The following RALYL variants were observed in gnomAD, a reference collection of about 807,000 sequenced individuals.
RALYL encodes the protein RNA-binding Raly-like protein.
In RALYL, 29 loss-of-function variants were observed where a neutral mutation model predicts 35.1. That is an observed-to-expected ratio of 0.83 (90% CI 0.61 to 1.13). RALYL has a LOEUF of 1.13. RALYL is among the 50% of genes most tolerant of loss of function. The probability of loss-of-function intolerance (pLI) is 0.00; values close to 1 mark genes in which losing one functional copy is unlikely to be tolerated. For synonymous variants in RALYL, 120 were observed against 127.6 expected (o/e 0.94, Z 0.40); for missense variants, 359 against 360.4 (o/e 1.00, Z 0.03).
rs549655270 is a variant in RALYL at position 84,277,827 on chromosome 8, C to A, written c.-24+93403C>A. On this transcript the variant is annotated intron_variant, in intron 1 of 8. Transcript: ENST00000521268. ...GGCATGCTGATGCAAGAGGTGCATT[C>A]CCACAGCATTGGGCAGCTCCACCCC... is the stretch of plus-strand genomic sequence containing the variant. Among the ~76,000 whole-genome samples, 296 of 152,342 alleles carry A rather than the reference C, an allele frequency of 1.9e-3. 1 individual carries two copies. Among genetic ancestry groups the A allele is most frequent in the South Asian group, 6.0e-3 (29 of 4,830 alleles).
chr8:84,878,548 C>CAA (rs112164375), intron 7 of RALYL, among the ~76,000 whole-genome samples: 41 of 122,256 alleles, frequency 3.4e-4, no homozygotes, highest in African/African-American at 1.1e-3. Context: ...AAGCAAATGC[C>CAA]AAAAAAAAAA....
At chr8:84,222,906 A>G (rs1387945065) in intron 1 of RALYL, among the ~76,000 whole-genome samples, 1 of 152,200 alleles carries the variant, frequency 6.6e-6, no homozygotes, top group African/African-American at 2.4e-5. Flanking sequence ...GTAGCCTTGT[A>G]GGAATCCAAG....
At chr8:84,217,150 T>C (rs1009297704) in intron 1 of RALYL, among the ~76,000 whole-genome samples, 1 of 152,140 alleles carries the variant, frequency 6.6e-6, no homozygotes, top group Admixed American at 6.6e-5. Flanking sequence ...TTACCCTCAG[T>C]AGGTAAGCTC....
In RALYL at chr8:84,796,168, T is replaced by C. The variant is rs529695063; in HGVS notation, c.333-8602T>C. Reference sequence around the variant, plus strand: ...AGATGGAGGTGAGGAGGTCAGTGCCTGTACAGACCAACCAGTGCTTCTTCC... The same window carrying C: ...AGATGGAGGTGAGGAGGTCAGTGCCCGTACAGACCAACCAGTGCTTCTTCC... On this transcript the variant is annotated intron_variant, in intron 3 of 8. Transcript: ENST00000521268. 2.4e-4 allele frequency among the ~76,000 whole-genome samples: 37 copies of C among 152,314 alleles called. No homozygotes were observed. The South Asian group carries it at 6.0e-3, about 25-fold the overall frequency.
chr8:84,486,890 T>C (rs955709383), intron 1 of RALYL, among the ~76,000 whole-genome samples: 3 of 152,200 alleles, frequency 2.0e-5, no homozygotes, highest in African/African-American at 7.2e-5. Context: ...TTGTTAATTA[T>C]AGGAATAATG....
chr8:84,663,354 T>A (rs117510672), intron 2 of RALYL, among the ~76,000 whole-genome samples: 3 of 152,152 alleles, frequency 2.0e-5, no homozygotes, highest in African/African-American at 4.8e-5. Flanking sequence ...TACCCAGTAA[T>A]GAGATTGCTG....
At chr8:84,446,123 G>A (rs536786372) in intron 1 of RALYL, among the ~76,000 whole-genome samples, 11 of 151,776 alleles carry the variant, frequency 7.2e-5, no homozygotes, top group East Asian at 1.9e-4. Flanking sequence ...TATATTCTAC[G>A]TGTTCCCTGT....
chr8:84,846,819 C>A (rs1834766635), intron 4 of RALYL, among the ~76,000 whole-genome samples: 1 of 152,156 alleles, frequency 6.6e-6, no homozygotes, highest in African/African-American at 2.4e-5. Context: ...ATAATAGTTT[C>A]TGAGGATCTT....
intron 2 of RALYL, among the ~76,000 whole-genome samples, chr8:84,670,462 A>G (rs1338669001): frequency 6.6e-6 from 1 of 152,246 alleles, no homozygotes; most frequent in African/African-American, 2.4e-5. Context: ...ACAATGCCTT[A>G]CACCAATGTA....
chr8:84,328,972 G>A (rs1846329989), intron 1 of RALYL, among the ~76,000 whole-genome samples: 1 of 152,190 alleles, frequency 6.6e-6, no homozygotes, highest in South Asian at 2.1e-4. Flanking sequence ...ATTCCACGGT[G>A]TATGTGTACC....
intron 2 of RALYL, among the ~76,000 whole-genome samples, chr8:84,535,678 G>A (rs916911690): frequency 5.9e-5 from 8 of 135,866 alleles, no homozygotes; most frequent in Non-Finnish European, 1.3e-4. Context: ...TTTTCACCGT[G>A]TTAGCCAGGA....
chr8:84,568,499 G>T (rs1455539833), intron 2 of RALYL, among the ~76,000 whole-genome samples: 2 of 149,278 alleles, frequency 1.3e-5, no homozygotes, highest in African/African-American at 2.5e-5. Context: ...GAATAATGCC[G>T]CAATAAACAT....
At chr8:84,189,229 T>C (rs1813273315) in intron 1 of RALYL, among the ~76,000 whole-genome samples, 1 of 152,244 alleles carries the variant, frequency 6.6e-6, no homozygotes, top group Non-Finnish European at 1.5e-5. Flanking sequence ...CTAAGTGCTC[T>C]TATATTACAA....
rs866433403 is a variant in RALYL at position 84,576,318 on chromosome 8, T to G, written c.256+46741T>G. On this transcript the variant is annotated intron_variant, in intron 2 of 8. Transcript: ENST00000521268. ...TACTGTAAAGAAATTGTAAGTAAAATGTGTTTTGATTACTACAAAAAATTG... is the reference window on the plus strand; with the variant it reads ...TACTGTAAAGAAATTGTAAGTAAAAGGTGTTTTGATTACTACAAAAAATTG... Among the ~76,000 whole-genome samples the G allele has an allele frequency of 9.2e-5, 14 of 152,304 alleles. 1 individual carries two copies. The highest frequency in any genetic ancestry group is 8.3e-4 in the South Asian group (4 of 4,826).
chr8:84,232,005 T>C (rs1825480463), intron 1 of RALYL, among the ~76,000 whole-genome samples: 1 of 152,098 alleles, frequency 6.6e-6, no homozygotes, highest in Non-Finnish European at 1.5e-5. Flanking sequence ...AAAAGGCAGA[T>C]TATTCCAAAA....
intron 1 of RALYL, among the ~76,000 whole-genome samples, chr8:84,490,835 A>T (rs2055207088): frequency 6.6e-6 from 1 of 151,920 alleles, no homozygotes; most frequent in East Asian, 1.9e-4. Context: ...AAGGACATCT[A>T]GACTATTGGT....
intron 2 of RALYL, chr8:84,678,676 AG>A (rs1834732040): frequency 6.6e-6 from 1 of 152,188 alleles, no homozygotes; most frequent in Non-Finnish European, 1.5e-5. Context: ...TTCTTTCTTG[AG>A]TCTCTTTATT....
At chr8:84,832,889 G>A (rs1040137897) in intron 4 of RALYL, among the ~76,000 whole-genome samples, 1 of 152,008 alleles carries the variant, frequency 6.6e-6, no homozygotes, top group South Asian at 2.1e-4. Flanking sequence ...AAACATACTA[G>A]AAGCTCAAGG....
chr8:84,220,139 G>T (rs1451944945), intron 1 of RALYL, among the ~76,000 whole-genome samples: 1 of 151,970 alleles, frequency 6.6e-6, no homozygotes, highest in African/African-American at 2.4e-5. Context: ...ATTGTGTGTG[G>T]TAATATAGTG....
Sources: gnomAD v4.1 joint callset for allele counts (sites outside exome capture counted in the v4.1 genomes callset) on GRCh38, gnomAD v4.1.1 for gene constraint, MANE v1.5 for transcripts, NCBI Gene and HGNC (gene_info 2026-07-23, HGNC 2026-07-21) for gene names.